THSD7A: variants seen among roughly 807,000 people sequenced by gnomAD.
THSD7A encodes the protein thrombospondin type-1 domain-containing protein 7A.
In THSD7A, 96 loss-of-function variants were observed where a neutral mutation model predicts 231.3. The ratio of observed to expected loss-of-function variants is 0.41; its 90% CI spans 0.35 to 0.49. The LOEUF (loss-of-function observed/expected upper bound fraction) is 0.49, where lower values mean the gene tolerates loss of function less well. Ranked by LOEUF, THSD7A falls within the 20% of genes least tolerant of loss-of-function variation. The probability of loss-of-function intolerance (pLI) is 0.05; values close to 1 mark genes in which losing one functional copy is unlikely to be tolerated. For synonymous variants in THSD7A, 940 were observed against 743.3 expected, an observed-to-expected ratio of 1.26 and a Z score of -4.30; for missense variants, 2,290 against 2,070.2, an observed-to-expected ratio of 1.11 and a Z score of -2.06.
At chr7:11,777,699 C>G (rs1348206625) in intron 1 of THSD7A, among the ~76,000 whole-genome samples, 1 of 151,998 alleles carries the variant, frequency 6.6e-6, no homozygotes, top group African/African-American at 2.4e-5. Context: ...GAGAGGAAGG[C>G]GTTGGAGAAA....
intron 13 of THSD7A, among the ~76,000 whole-genome samples, chr7:11,438,438 C>G (rs1388041278): frequency 2.0e-5 from 3 of 151,924 alleles, no homozygotes; most frequent in Admixed American, 6.6e-5. Flanking sequence ...TGGGTGCTAG[C>G]AAAGCACACT....
chr7:11,427,719 C>G (rs1168369721), intron 14 of THSD7A, among the ~76,000 whole-genome samples: 8 of 151,994 alleles, frequency 5.3e-5, no homozygotes, highest in Non-Finnish European at 2.9e-5. Context: ...GAGAAATATT[C>G]TTTTGTATTA....
Position 11,444,207 on chromosome 7 carries a change from G to C in THSD7A, c.3064+1854C>G, listed in dbSNP as rs1350558318. On this transcript the variant is annotated intron_variant, in intron 13 of 27. Transcript: ENST00000423059. The surrounding 1 kb of genome is among the most constrained non-coding windows in gnomAD (Gnocchi z 4.2). ...ACACTTTTACAATGTTGGTGGGAGTGTAAATTAGTTCAACCATTGTGGAAG... is the reference window on the plus strand; with the variant it reads ...ACACTTTTACAATGTTGGTGGGAGTCTAAATTAGTTCAACCATTGTGGAAG... Among the ~76,000 whole-genome samples, 3 of 152,090 alleles carry C rather than the reference G, an allele frequency of 2.0e-5. No homozygotes were observed. The highest frequency in any genetic ancestry group is 6.6e-5 in the Admixed American group (1 of 15,254).
intron 1 of THSD7A, among the ~76,000 whole-genome samples, chr7:11,753,611 TC>T: frequency 6.6e-6 from 1 of 151,966 alleles, no homozygotes; most frequent in African/African-American, 2.4e-5. Context: ...TACCATTGTT[TC>T]TGCTACAGCT....
intron 4 of THSD7A, among the ~76,000 whole-genome samples, chr7:11,571,383 A>G (rs1790622850): frequency 6.6e-6 from 1 of 152,216 alleles, no homozygotes; most frequent in South Asian, 2.1e-4. Context: ...CTGTTGAGCT[A>G]CTGCTGAATT....
chr7:11,414,239 G>T, intron 17 of THSD7A, among the ~76,000 whole-genome samples: 1 of 152,188 alleles, frequency 6.6e-6, no homozygotes, highest in East Asian at 1.9e-4. Context: ...AGTCCATGGA[G>T]GATGTACAGT....
chr7:11,405,514 A>G (rs1037350932), intron 22 of THSD7A, among the ~76,000 whole-genome samples: 3 of 152,112 alleles, frequency 2.0e-5, no homozygotes, highest in African/African-American at 7.2e-5. Context: ...TCCACTAATA[A>G]ATTGTTGCCC....
At chr7:11,661,586 C>T (rs1782931872) in intron 1 of THSD7A, among the ~76,000 whole-genome samples, 1 of 150,198 alleles carries the variant, frequency 6.7e-6, no homozygotes, top group South Asian at 2.1e-4. Context: ...GGTTAAGCAC[C>T]AAAAGAATTG....
chr7:11,642,295 T>G (rs1193215244), intron 1 of THSD7A, among the ~76,000 whole-genome samples: 1 of 152,140 alleles, frequency 6.6e-6, no homozygotes, highest in African/African-American at 2.4e-5. Flanking sequence ...CAGTAAGAAT[T>G]ATCATTGGTT....
intron 16 of THSD7A, among the ~76,000 whole-genome samples, chr7:11,419,011 G>C (rs901587905): frequency 3.7e-4 from 57 of 152,098 alleles, no homozygotes; most frequent in Admixed American, 3.7e-3. Context: ...CAGCAGCTTA[G>C]AGACATGTTG....
At chr7:11,647,691 G>A (rs1584142290) in intron 1 of THSD7A, among the ~76,000 whole-genome samples, 3 of 152,134 alleles carry the variant, frequency 2.0e-5, no homozygotes, top group African/African-American at 7.2e-5. Context: ...AGAAGGCACT[G>A]TAGCCATAGA....
In THSD7A at chr7:11,553,586, C is replaced by A. The variant is rs1000906555; in HGVS notation, c.1454-10469G>T. Among the ~76,000 whole-genome samples the A allele has an allele frequency of 2.6e-5, 4 of 152,118 alleles. No individual in the cohort carries two copies. In the East Asian group the frequency reaches 7.7e-4, roughly 29 times the overall value. ...AGCCAATACAAACTCCAGAGAAATA[C>A]ATATTAAACTTTAAGAAGACTTCTT... On this transcript the variant is annotated intron_variant, in intron 4 of 27. Transcript: ENST00000423059.
rs760444612 is a variant in THSD7A at position 11,379,127 on chromosome 7, G to A, written c.4744C>T (p.Pro1582Ser). The change falls in exon 26 of 28, where the codon CCC becomes TCC. Residue 1582 changes from proline (P) to serine (S), a missense_variant. Pro to Ser is a moderately conservative substitution (Grantham distance 74). Coordinates refer to ENST00000423059, the MANE Select transcript of THSD7A (RefSeq NM_015204.3). ...KTSRAVHPTQ[P>S]SSNPAGRGRT... The stretch of plus-strand genomic sequence containing the variant: ...CCCCGTCCTGCTGGGTTACTGGAGG[G>A]TTGGGTTGGATGTACAGCCCGACTG... 1 of 1,613,626 alleles carries A rather than the reference G, an allele frequency of 6.2e-7. No homozygotes were observed. The highest frequency in any genetic ancestry group is 2.2e-5 in the East Asian group (1 of 44,842).
intron 6 of THSD7A, among the ~76,000 whole-genome samples, chr7:11,493,772 A>T (rs1038039696): frequency 6.6e-6 from 1 of 152,082 alleles, no homozygotes; most frequent in East Asian, 1.9e-4. Flanking sequence ...GCCATAAGTA[A>T]ACCAGACTGG....
At chr7:11,791,373 A>AG in intron 1 of THSD7A, among the ~76,000 whole-genome samples, 1 of 152,082 alleles carries the variant, frequency 6.6e-6, no homozygotes, top group Non-Finnish European at 1.5e-5. Flanking sequence ...TCTCATACTG[A>AG]TAAATGTTAT....
chr7:11,730,052 G>A (rs1268850718), intron 1 of THSD7A, among the ~76,000 whole-genome samples: 5 of 151,634 alleles, frequency 3.3e-5, no homozygotes, highest in African/African-American at 4.8e-5. Flanking sequence ...GAGTGAATCT[G>A]AAATGACTGT....
chr7:11,410,512 A>C (rs1241417379), intron 19 of THSD7A: 1 of 152,218 alleles, frequency 6.6e-6, no homozygotes, highest in Non-Finnish European at 1.5e-5. Flanking sequence ...ATGGAGAGTC[A>C]ACATTTGTCA....
At chr7:11,445,827 C>T (rs544008882) in intron 13 of THSD7A, among the ~76,000 whole-genome samples, 1 of 152,040 alleles carries the variant, frequency 6.6e-6, no homozygotes, top group South Asian at 2.1e-4. Context: ...AGATTTGGGC[C>T]CCATCAGGCT....
At chr7:11,453,747 ACT>A (rs1185293513) in intron 11 of THSD7A, among the ~76,000 whole-genome samples, 1 of 151,984 alleles carries the variant, frequency 6.6e-6, no homozygotes, top group Non-Finnish European at 1.5e-5. Flanking sequence ...TAAAAATTCT[ACT>A]CTTCGTAGAA....
Sources: allele counts gnomAD v4.1 joint callset (sites outside exome capture counted in the v4.1 genomes callset), GRCh38; gene constraint gnomAD v4.1.1; non-coding constraint Gnocchi (gnomAD v3.1); transcripts MANE v1.5; gene names NCBI Gene and HGNC (gene_info 2026-07-23, HGNC 2026-07-21).